Variants in TDRD1 observed in about 807,000 individuals in gnomAD.
The protein encoded by TDRD1 is tudor domain-containing protein 1.
Under a neutral mutation model 140.6 loss-of-function variants are expected in TDRD1, and 37 were observed. The ratio of observed to expected loss-of-function variants is 0.26; its 90% CI spans 0.20 to 0.35. The LOEUF is 0.35. Ranked by LOEUF, TDRD1 falls within the 10% of genes least tolerant of loss-of-function variation. The pLI is 1.00. For missense variants in TDRD1, 1,243 were observed against 1,393.0 expected, an observed-to-expected ratio of 0.89 and a Z score of 1.71; for synonymous variants, 506 against 475.7, an observed-to-expected ratio of 1.06 and a Z score of -0.83.
At chr10:114,232,393 T>C (rs2036803593), downstream of TDRD1, 1 of 151,972 alleles carries the variant, frequency 6.6e-6, no homozygotes, top group South Asian at 2.1e-4. Context: ...TGCAGAATTA[T>C]GGGCTGGCTG....
At chr10:114,191,207 T>C (rs74436267) in intron 3 of TDRD1, among the ~76,000 whole-genome samples, 188 bp downstream of exon 3, 1,615 of 152,344 alleles carry the variant, frequency 0.011, 20 homozygotes, top group African/African-American at 0.037. Context: ...TAAGAAATAA[T>C]GGAGATCCTG....
At chr10:114,229,817 A>AT (rs200409289) in intron 25 of TDRD1, among the ~76,000 whole-genome samples, 3,949 of 126,180 alleles carry the variant, frequency 0.031, 173 homozygotes, top group African/African-American at 0.099. Context: ...ATATATATAT[A>AT]TTTTTTTTTT....
At chr10:114,213,440 C>T in exon 15 of TDRD1, 1 of 1,614,032 alleles carries the variant, frequency 6.2e-7, no homozygotes, top group Non-Finnish European at 8.5e-7. Flanking sequence ...AAGTGGTGGA[C>T]AAGTTGGAAA....
exon 13 of TDRD1, chr10:114,210,899 G>A (rs1026191409): frequency 1.2e-6 from 2 of 1,614,018 alleles, no homozygotes; most frequent in African/African-American, 2.7e-5. Context: ...AGCAAGTACT[G>A]TGATCAGTTG....
At chr10:114,205,374 C>T (rs1387293649) in intron 10 of TDRD1, among the ~76,000 whole-genome samples, 7 of 152,156 alleles carry the variant, frequency 4.6e-5, no homozygotes, top group Non-Finnish European at 1.0e-4. Context: ...TCCCAGTTTC[C>T]AGGGTATCAC....
At position 114,218,593 on chromosome 10, in the gene TDRD1, T is replaced by C; in HGVS notation, c.2494+9T>C. On this transcript the variant is annotated intron_variant, in intron 18 of 25. Coordinates refer to ENST00000251864, the Ensembl canonical transcript of TDRD1. The stretch of plus-strand genomic sequence containing the variant: ...ACGGTGCCAGTTAGCAGGTATGGTA[T>C]ACAATAAGAAACTTTCTCAACTTTC... 1.9e-6 allele frequency: 3 copies of C among 1,573,172 alleles called. No individual in the cohort carries two copies. Among genetic ancestry groups the C allele is most frequent in the Non-Finnish European group, 2.6e-6 (3 of 1,155,772 alleles).
chr10:114,213,542 A>G (rs2035620926), exon 15 of TDRD1: 2 of 1,613,854 alleles, frequency 1.2e-6, no homozygotes, highest in Non-Finnish European at 1.7e-6. Flanking sequence ...CTGTGGGAGA[A>G]CAGAGTATGG....
At chr10:114,218,358 T>A in intron 17 of TDRD1, 56 bp from the exon 18 acceptor site, 3 of 1,260,968 alleles carry the variant, frequency 2.4e-6, no homozygotes, top group Non-Finnish European at 3.1e-6. Flanking sequence ...AGATAAGTAT[T>A]TCAAGTGTCG....
At chr10:114,188,124 G>A in exon 2 of TDRD1, 1 of 1,592,678 alleles carries the variant, frequency 6.3e-7, no homozygotes, top group East Asian at 2.2e-5. Context: ...GAAGTAGTTG[G>A]CTCCAAAGGA....
upstream of TDRD1, among the ~76,000 whole-genome samples, chr10:114,178,095 G>A (rs1364474391): frequency 5.3e-5 from 8 of 151,648 alleles, no homozygotes; most frequent in Non-Finnish European, 5.9e-5. Flanking sequence ...TGCCTGCCTC[G>A]GCCTCCCAAA....
chr10:114,214,713 C>T (rs969309190), intron 16 of TDRD1, among the ~76,000 whole-genome samples: 1 of 151,880 alleles, frequency 6.6e-6, no homozygotes, highest in African/African-American at 2.4e-5. Context: ...CCTATCCCCT[C>T]CCATCATTAC....
chr10:114,215,885 A>G (rs2035786685), intron 16 of TDRD1, among the ~76,000 whole-genome samples: 1 of 152,170 alleles, frequency 6.6e-6, no homozygotes, highest in Non-Finnish European at 1.5e-5. Context: ...ATTTTTTCAG[A>G]GATACTCTAT....
At chr10:114,205,383 A>G (rs2133001041) in intron 10 of TDRD1, among the ~76,000 whole-genome samples, 1 of 152,234 alleles carries the variant, frequency 6.6e-6, no homozygotes, top group East Asian at 1.9e-4. Context: ...CCAGGGTATC[A>G]CCCCTCTGCT....
chr10:114,212,171 C>T (rs909280306), intron 14 of TDRD1, 135 bp downstream of exon 14: 1 of 738,216 alleles, frequency 1.4e-6, no homozygotes, highest in African/African-American at 1.9e-5. Flanking sequence ...CTATAAATGT[C>T]ATTTATCCCA....
At chr10:114,189,377 A>G (rs1283157964) in intron 2 of TDRD1, among the ~76,000 whole-genome samples, 2 of 152,206 alleles carry the variant, frequency 1.3e-5, no homozygotes, top group South Asian at 2.1e-4. Flanking sequence ...GAAAAGATGG[A>G]CACTGGTTAT....
chr10:114,213,681 T>C, intron 15 of TDRD1, 93 bp downstream of exon 15: 1 of 1,115,492 alleles, frequency 9.0e-7, no homozygotes, highest in Non-Finnish European at 1.3e-6. Context: ...GAATTTATGT[T>C]GAATGCCTTT....
rs1554938453 is a variant in TDRD1 at position 114,194,774 on chromosome 10, T to TA, written c.384+3756dup. Among the ~76,000 whole-genome samples the TA allele has an allele frequency of 6.0e-5, 9 of 150,488 alleles. No individual in the cohort carries two copies. In the East Asian group the frequency reaches 1.6e-3, roughly 26 times the overall value. On this transcript the variant is annotated intron_variant, in intron 3 of 25. Coordinates refer to ENST00000251864, the Ensembl canonical transcript of TDRD1. ...TGGTTGTTGGTTTTTTTTTTTTTTT[T>TA]ATTAGACAAGGTCTCCCTCTGTCAT...
At chr10:114,205,115 C>T (rs532629471) in intron 10 of TDRD1, among the ~76,000 whole-genome samples, 7 of 152,264 alleles carry the variant, frequency 4.6e-5, no homozygotes, top group Admixed American at 6.5e-5. Context: ...GGTGTAACTA[C>T]GATCCCTTTA....
exon 15 of TDRD1, chr10:114,213,492 C>A: frequency 6.2e-7 from 1 of 1,613,954 alleles, no homozygotes; most frequent in Non-Finnish European, 8.5e-7. Flanking sequence ...CGAGACGCCT[C>A]ATGTCAGTGT....
Sources: allele counts gnomAD v4.1 joint callset (sites outside exome capture counted in the v4.1 genomes callset), GRCh38; gene constraint gnomAD v4.1.1; transcripts MANE v1.5; gene names NCBI Gene and HGNC (gene_info 2026-07-23, HGNC 2026-07-21).